Variants in GRIK1 observed in about 807,000 individuals in gnomAD.
GRIK1 encodes glutamate receptor ionotropic, kainate 1.
A neutral mutation model predicts 105.7 loss-of-function variants in GRIK1; 69 were observed. The ratio of observed to expected loss-of-function variants is 0.65; its 90% confidence interval spans 0.54 to 0.80. The LOEUF (loss-of-function observed/expected upper bound fraction) is 0.80. Among genes scored for constraint, GRIK1 ranks in the 30% least tolerant of loss-of-function variants. The pLI, the probability that GRIK1 is intolerant of heterozygous loss-of-function variation, is 0.00. For synonymous variants in GRIK1, 438 were observed against 431.3 expected, an observed-to-expected ratio of 1.02 and a Z score of -0.19; for missense variants, 1,109 against 1,167.3, an observed-to-expected ratio of 0.95 and a Z score of 0.73.
intron 1 of GRIK1, among the ~76,000 whole-genome samples, chr21:29,854,345 C>CG (rs1324492610): frequency 4.0e-5 from 6 of 151,200 alleles, no homozygotes; most frequent in Non-Finnish European, 7.4e-5. Context: ...AACACCCCCC[C>CG]ACCAAGCCCC....
intron 6 of GRIK1, among the ~76,000 whole-genome samples, chr21:29,648,574 C>T (rs973804914): frequency 6.6e-6 from 1 of 152,062 alleles, no homozygotes; most frequent in South Asian, 2.1e-4. Context: ...TCGCACTGGG[C>T]CTTTTCTAGT....
chr21:29,660,593 T>A (rs1419920887), intron 4 of GRIK1, among the ~76,000 whole-genome samples: 2 of 152,222 alleles, frequency 1.3e-5, no homozygotes, highest in Non-Finnish European at 2.9e-5. Flanking sequence ...GCTACTATTG[T>A]GGTAACAGAA....
At chr21:29,855,314 C>A (rs558801998) in intron 1 of GRIK1, among the ~76,000 whole-genome samples, 1 of 152,228 alleles carries the variant, frequency 6.6e-6, no homozygotes, top group South Asian at 2.1e-4. Flanking sequence ...TCTATAGAGA[C>A]AATTAAAATA....
At chr21:29,589,617 G>A (rs1016043824) in intron 10 of GRIK1, among the ~76,000 whole-genome samples, 14 of 151,980 alleles carry the variant, frequency 9.2e-5, no homozygotes, top group African/African-American at 3.4e-4. Flanking sequence ...AGTAGAGACG[G>A]GGTTTCACCA....
rs547725340 is a variant in GRIK1, at chr21:29,843,685, A to T, written c.118+95698T>A. Among the ~76,000 whole-genome samples the T allele has an allele frequency of 2.8e-3, 422 of 152,324 alleles. 3 individuals are homozygous for T. Among genetic ancestry groups the T allele is most frequent in the African/African-American group, 9.3e-3 (387 of 41,580 alleles). The stretch of plus-strand genomic sequence containing the variant: ...AGAGAAAACTCCATTTCTATGGAAG[A>T]AGAAAATCCCAGGAGAAGATAGATG... On this transcript the variant is annotated intron_variant, in intron 1 of 17. Transcript: ENST00000327783.
At chr21:29,833,406 T>C (rs986528025) in intron 1 of GRIK1, among the ~76,000 whole-genome samples, 4 of 152,170 alleles carry the variant, frequency 2.6e-5, no homozygotes, top group Admixed American at 6.6e-5. Context: ...GTTATCTCAT[T>C]GCTGTAAAGA....
At chr21:29,555,859 T>C (rs991693565) in intron 15 of GRIK1, among the ~76,000 whole-genome samples, 3 of 152,116 alleles carry the variant, frequency 2.0e-5, no homozygotes, top group Admixed American at 1.3e-4. Flanking sequence ...TAAACTATGC[T>C]CCAACTGCTA....
intron 8 of GRIK1, 104 bp from the exon 9 acceptor site, chr21:29,596,674 TC>T: frequency 1.2e-6 from 1 of 821,728 alleles, no homozygotes. Context: ...GTGTTACAGT[TC>T]CCACCCATTG....
intron 1 of GRIK1, among the ~76,000 whole-genome samples, chr21:29,725,074 TTCTGAGAG>T (rs918249164): frequency 2.0e-5 from 3 of 152,040 alleles, no homozygotes; most frequent in African/African-American, 7.2e-5. Flanking sequence ...ATTACACCTT[TTCTGAGAG>T]TCCACTCAGT....
chr21:29,619,144 G>A (rs373866468), intron 7 of GRIK1, among the ~76,000 whole-genome samples: 99 of 111,748 alleles, frequency 8.9e-4, no homozygotes, highest in African/African-American at 3.4e-3. Context: ...AAAAAAAAAA[G>A]AATGATACAA....
chr21:29,862,995 C>A (rs920829040), intron 1 of GRIK1, among the ~76,000 whole-genome samples: 25 of 152,170 alleles, frequency 1.6e-4, no homozygotes, highest in African/African-American at 5.1e-4. Flanking sequence ...ATTCTGATTT[C>A]TCTGAGTTTA....
At chr21:29,557,182 C>T (rs540668050) in intron 15 of GRIK1, among the ~76,000 whole-genome samples, 2 of 152,030 alleles carry the variant, frequency 1.3e-5, no homozygotes, top group Middle Eastern at 3.2e-3. Context: ...ATGTGAAGAA[C>T]TCTTGTTAGC....
At chr21:29,706,133 C>T (rs2063903635) in intron 1 of GRIK1, among the ~76,000 whole-genome samples, 1 of 152,170 alleles carries the variant, frequency 6.6e-6, no homozygotes, top group South Asian at 2.1e-4. Flanking sequence ...CTCGGCCTCC[C>T]AAAGCGCTGG....
intron 1 of GRIK1, among the ~76,000 whole-genome samples, chr21:29,876,427 C>T (rs1277236586): frequency 6.6e-6 from 1 of 152,058 alleles, no homozygotes; most frequent in African/African-American, 2.4e-5. Flanking sequence ...GTTCTGAATG[C>T]TGTAATTATC....
At chr21:29,775,175 G>A (rs1385976058) in intron 1 of GRIK1, among the ~76,000 whole-genome samples, 2 of 150,862 alleles carry the variant, frequency 1.3e-5, no homozygotes, top group Middle Eastern at 3.4e-3. Flanking sequence ...AAATTAGCCG[G>A]CATGCACCTG....
chr21:29,851,266 G>A (rs1319818579), intron 1 of GRIK1, among the ~76,000 whole-genome samples: 1 of 152,052 alleles, frequency 6.6e-6, no homozygotes, highest in Non-Finnish European at 1.5e-5. Flanking sequence ...CGTTGGCCAG[G>A]CTGGTCTCGA....
intron 1 of GRIK1, among the ~76,000 whole-genome samples, chr21:29,827,992 T>G (rs2067510130): frequency 8.3e-6 from 1 of 120,872 alleles, no homozygotes; most frequent in Admixed American, 9.2e-5. Context: ...TCTCTCTCTC[T>G]CTCTCTCTCT....
chr21:29,878,762 G>T (rs2069285346), intron 1 of GRIK1, among the ~76,000 whole-genome samples: 1 of 152,088 alleles, frequency 6.6e-6, no homozygotes, highest in South Asian at 2.1e-4. Context: ...CACCTACAAA[G>T]CACGAAGTGG....
chr21:29,582,106 T>A (rs1410148117), intron 12 of GRIK1, among the ~76,000 whole-genome samples: 1 of 152,144 alleles, frequency 6.6e-6, no homozygotes, highest in Non-Finnish European at 1.5e-5. Flanking sequence ...GTGAACAAAA[T>A]GTAGAGCTGA....
Sources: allele counts gnomAD v4.1 joint callset (sites outside exome capture counted in the v4.1 genomes callset), GRCh38; gene constraint gnomAD v4.1.1; transcripts MANE v1.5; gene names NCBI Gene and HGNC (gene_info 2026-07-23, HGNC 2026-07-21).